The following SLAIN2 variants were observed in gnomAD, a reference collection of about 807,000 sequenced individuals.
SLAIN2 encodes SLAIN family member 2, also known as SLAIN motif-containing protein 2.
SLAIN2 carries 31 observed loss-of-function variants against 56.6 expected under a neutral mutation model. The ratio of observed to expected loss-of-function variants is 0.55; its 90% CI spans 0.41 to 0.74. The LOEUF is 0.74. Ranked by LOEUF, SLAIN2 falls within the 30% of genes least tolerant of loss-of-function variation. The pLI is 0.00. For missense variants in SLAIN2, 777 were observed against 754.2 expected (o/e 1.03, Z -0.35); for synonymous variants, 317 against 284.9 (o/e 1.11, Z -1.13).
At position 48,383,793 on chromosome 4, in the gene SLAIN2, C is replaced by G. The variant is rs762338716; in HGVS notation, c.1360+9C>G. ...ACCTCAGGCTTCAGCCAGTAAGTATCCTTCTTATGCTTTCATGTATCAGTT... is the reference window on the plus strand; with the variant it reads ...ACCTCAGGCTTCAGCCAGTAAGTATGCTTCTTATGCTTTCATGTATCAGTT... On this transcript the variant is annotated intron_variant, in intron 6 of 7. Transcript: ENST00000264313. The G allele has an allele frequency of 3.1e-6, 5 of 1,607,514 alleles. No homozygotes were observed. The highest frequency in any genetic ancestry group is 4.3e-6 in the Non-Finnish European group (5 of 1,176,352).
Position 48,375,707 on chromosome 4 carries a change from C to T in SLAIN2, c.539-2189C>T, listed in dbSNP as rs550394515. The stretch of plus-strand genomic sequence containing the variant: ...ACTAACTAGGTTTCAGACTTCTGAG[C>T]GTAGTGTCTCAGGCCTTCCATGACC... On this transcript the variant is annotated intron_variant, in intron 2 of 7. Coordinates refer to ENST00000264313, the MANE Select transcript of SLAIN2 (RefSeq NM_020846.2). Among the ~76,000 whole-genome samples the T allele has an allele frequency of 2.6e-5, 4 of 152,294 alleles. No homozygotes were observed. In the East Asian group the frequency reaches 7.7e-4, roughly 29 times the overall value.
intron 6 of SLAIN2, among the ~76,000 whole-genome samples, chr4:48,393,427 CAG>C (rs1367290296): frequency 5.7e-5 from 4 of 70,346 alleles, no homozygotes; most frequent in Admixed American, 1.6e-4. Flanking sequence ...TGTGTGTAGA[CAG>C]AGTCTCCCTG....
intron 1 of SLAIN2, among the ~76,000 whole-genome samples, chr4:48,348,072 G>C (rs1714915803): frequency 6.6e-6 from 1 of 152,168 alleles, no homozygotes; most frequent in Non-Finnish European, 1.5e-5. Context: ...TTAGCCTATA[G>C]ATATTTAGCT....
At chr4:48,395,828 T>TTTTTTTTTTTTA (rs1716364831) in intron 6 of SLAIN2, among the ~76,000 whole-genome samples, 1 of 147,058 alleles carries the variant, frequency 6.8e-6, no homozygotes, top group African/African-American at 2.5e-5. Flanking sequence ...TTTTTTTTTT[T>TTTTTTTTTTTTA]GAGACTTTTC....
rs1717279521 is a variant in SLAIN2 at position 48,425,619 on chromosome 4, C to T, written c.*3542C>T. On this transcript the variant is annotated 3_prime_UTR_variant, in exon 8 of 8. Transcript: ENST00000264313. ...ATAGTGATGAGAGGGAAAAAAGACA[C>T]CCTTCTGTTTTTTTCTCTCAAGCCA... 6.6e-6 allele frequency: 1 copy of T among 152,032 alleles called. No individual in the cohort carries two copies. Among genetic ancestry groups the T allele is most frequent in the Admixed American group, 6.6e-5 (1 of 15,258 alleles). The allele number at this position is 152,032 out of a possible 1,614,324, so 9.4% of individuals were successfully genotyped here. A position where few individuals can be genotyped will look rare whatever the true frequency, so the allele number is the denominator to read the frequency against.
intron 4 of SLAIN2, among the ~76,000 whole-genome samples, chr4:48,381,231 A>G (rs771698204): frequency 3.9e-5 from 6 of 152,192 alleles, no homozygotes; most frequent in Non-Finnish European, 8.8e-5. Flanking sequence ...TGTTTTGGTA[A>G]CAATAGAAAT....
At chr4:48,389,730 A>G (rs1716187309) in intron 6 of SLAIN2, among the ~76,000 whole-genome samples, 2 of 152,240 alleles carry the variant, frequency 1.3e-5, no homozygotes, top group Admixed American at 1.3e-4. Context: ...GCCTGAGTAT[A>G]GTGGTTTTGT....
chr4:48,404,919 C>T (rs1451615076), intron 6 of SLAIN2, among the ~76,000 whole-genome samples: 1 of 152,144 alleles, frequency 6.6e-6, no homozygotes, highest in Admixed American at 6.5e-5. Flanking sequence ...ATAACTGCAG[C>T]TTAGTATACC....
intron 6 of SLAIN2, among the ~76,000 whole-genome samples, chr4:48,405,631 G>A (rs1716673626): frequency 1.3e-5 from 2 of 151,744 alleles, no homozygotes; most frequent in Admixed American, 1.3e-4. Context: ...TGCATAGGTA[G>A]TAGTGCTTCT....
At chr4:48,371,066 A>C (rs1577718659) in intron 2 of SLAIN2, among the ~76,000 whole-genome samples, 1 of 151,696 alleles carries the variant, frequency 6.6e-6, no homozygotes, top group Non-Finnish European at 1.5e-5. Flanking sequence ...CTTTTCCTCT[A>C]TGAAAAGAAG....
intron 1 of SLAIN2, among the ~76,000 whole-genome samples, chr4:48,365,444 CAAAAAAAAAAAAA>C: frequency 1.8e-5 from 1 of 56,994 alleles, no homozygotes; most frequent in East Asian, 6.1e-4. Flanking sequence ...GACTCCATCT[CAAAAAAAAAAAAA>C]AAAAAAAAGC....
At chr4:48,376,567 A>G (rs557777970) in intron 2 of SLAIN2, among the ~76,000 whole-genome samples, 1 of 150,910 alleles carries the variant, frequency 6.6e-6, no homozygotes, top group Admixed American at 6.6e-5. Context: ...ATTTAATTTT[A>G]CATGCATAGC....
At chr4:48,383,833 G>GA (rs1441026797) in intron 6 of SLAIN2, 49 bp downstream of exon 6, 1 of 1,547,142 alleles carries the variant, frequency 6.5e-7, no homozygotes, top group South Asian at 1.2e-5. Flanking sequence ...AAAGAGAAGT[G>GA]AAAATTTTAG....
At position 48,390,325 on chromosome 4, in the gene SLAIN2, C is replaced by T. The variant is rs543699985; in HGVS notation, c.1360+6541C>T. Among the ~76,000 whole-genome samples the T allele has an allele frequency of 5.9e-5, 9 of 151,920 alleles. No homozygotes were observed. The East Asian group carries it at 9.7e-4, about 16-fold the overall frequency. ...AACTCCTCATCTTAAGTGATCCTCC[C>T]GCCTCGGCCTCCCAAATGACTCTAA... On this transcript the variant is annotated intron_variant, in intron 6 of 7. Coordinates refer to ENST00000264313, the MANE Select transcript of SLAIN2 (RefSeq NM_020846.2).
rs1553905115 is a variant in SLAIN2 at position 48,412,407 on chromosome 4, C to CACACAA, written c.1361-7713_1361-7712insAACACA. Among the ~76,000 whole-genome samples, 76 of 63,134 alleles carry CACACAA rather than the reference C, an allele frequency of 1.2e-3. 3 individuals carry two copies. Among genetic ancestry groups the CACACAA allele is most frequent in the African/African-American group, 3.6e-3 (68 of 18,804 alleles). 41.4% of individuals were successfully genotyped at this position (63,134 alleles called of 152,430 possible). A position where few individuals can be genotyped will look rare whatever the true frequency, so the allele number is the denominator to read the frequency against. ...ACACACACACACACACACACACACA[C>CACACAA]ACACACACATTCCCTCTCTCTCTCT... On this transcript the variant is annotated intron_variant, in intron 6 of 7. Transcript: ENST00000264313.
At chr4:48,413,209 T>C (rs567963051) in intron 6 of SLAIN2, among the ~76,000 whole-genome samples, 1 of 145,660 alleles carries the variant, frequency 6.9e-6, no homozygotes, top group African/African-American at 2.5e-5. Context: ...TCCTGGGTGA[T>C]AGAGCGAGAC....
chr4:48,346,531 T>C (rs1714871820), intron 1 of SLAIN2, among the ~76,000 whole-genome samples: 1 of 152,270 alleles, frequency 6.6e-6, no homozygotes. Context: ...GGCTCTTCAC[T>C]GCTGAGAGTT....
intron 2 of SLAIN2, among the ~76,000 whole-genome samples, chr4:48,376,074 G>T (rs1258567803): frequency 6.6e-6 from 1 of 152,354 alleles, no homozygotes; most frequent in East Asian, 1.9e-4. Flanking sequence ...TTAAGAGAGA[G>T]AGCACCATAT....
At chr4:48,358,800 A>G (rs1182749931) in intron 1 of SLAIN2, among the ~76,000 whole-genome samples, 1 of 151,600 alleles carries the variant, frequency 6.6e-6, no homozygotes, top group Non-Finnish European at 1.5e-5. Context: ...AGCTCACTAC[A>G]ACCTCCTCCT....
Sources: gnomAD v4.1 joint callset for allele counts (sites outside exome capture counted in the v4.1 genomes callset) on GRCh38, gnomAD v4.1.1 for gene constraint, MANE v1.5 for transcripts, NCBI Gene and HGNC (gene_info 2026-07-23, HGNC 2026-07-21) for gene names.